The following CEP135 variants were observed in gnomAD, a reference collection of about 807,000 sequenced individuals.
CEP135 encodes the protein centrosomal protein of 135 kDa.
Under a neutral mutation model 157.3 loss-of-function variants are expected in CEP135, and 142 were observed. That is an observed-to-expected ratio of 0.90 (90% confidence interval 0.79 to 1.04). The LOEUF (loss-of-function observed/expected upper bound fraction) is 1.04, where lower values mean the gene tolerates loss of function less well. Ranked by LOEUF, CEP135 falls within the 50% of genes least tolerant of loss-of-function variation. CEP135 has a pLI of 0.00. For synonymous variants in CEP135, 396 were observed against 439.8 expected (o/e 0.90, Z 1.25); for missense variants, 1,317 against 1,309.2 (o/e 1.01, Z -0.09).
intron 14 of CEP135, among the ~76,000 whole-genome samples, chr4:55,988,220 T>C (rs933268294): frequency 3.3e-4 from 39 of 119,514 alleles, no homozygotes; most frequent in African/African-American, 1.3e-3. Context: ...CCAATAAGAG[T>C]GTGGGGGGCG....
chr4:56,015,938 A>G (rs1730758943), intron 21 of CEP135, among the ~76,000 whole-genome samples: 1 of 152,182 alleles, frequency 6.6e-6, no homozygotes, highest in Non-Finnish European at 1.5e-5. Flanking sequence ...ATACGTTGAA[A>G]TCCTAATCCC....
chr4:55,997,806 CTGT>C (rs1419293254), intron 15 of CEP135, among the ~76,000 whole-genome samples: 1 of 152,182 alleles, frequency 6.6e-6, no homozygotes, highest in East Asian at 1.9e-4. Context: ...GTACCACTCT[CTGT>C]TGTTATATCC....
chr4:55,966,108 T>G (rs781743223), intron 8 of CEP135: 1 of 382,656 alleles, frequency 2.6e-6, no homozygotes, highest in Non-Finnish European at 4.7e-6. Context: ...CAAACTCTAG[T>G]CTGTTTTCCT....
At chr4:55,967,792 C>T (rs907548426) in intron 8 of CEP135, among the ~76,000 whole-genome samples, 1 of 152,028 alleles carries the variant, frequency 6.6e-6, no homozygotes, top group African/African-American at 2.4e-5. Context: ...TTTTAAAAAC[C>T]ATGTGTGAAA....
intron 6 of CEP135, among the ~76,000 whole-genome samples, chr4:55,963,051 A>G (rs1274787955): frequency 6.6e-6 from 1 of 152,096 alleles, no homozygotes; most frequent in Non-Finnish European, 1.5e-5. Context: ...GGTTGGTAGC[A>G]TCAATGTTTG....
chr4:55,987,805 G>C (rs73817309), intron 14 of CEP135, among the ~76,000 whole-genome samples: 4,372 of 152,234 alleles, frequency 0.029, 213 homozygotes, highest in African/African-American at 0.098. Context: ...AAATGTTGGA[G>C]AATAGCCTGA....
At chr4:55,998,236 T>C (rs1730044283) in intron 15 of CEP135, among the ~76,000 whole-genome samples, 1 of 152,206 alleles carries the variant, frequency 6.6e-6, no homozygotes. Flanking sequence ...AAATTCCTAA[T>C]AAATACTCTG....
At position 55,991,978 on chromosome 4, in the gene CEP135, G is replaced by T. The variant is rs142984857; in HGVS notation, c.1902G>T (p.Met634Ile). 1.3e-6 allele frequency: 2 copies of T among 1,564,958 alleles called. No individual in the cohort carries two copies. The highest frequency in any genetic ancestry group is 1.7e-6 in the Non-Finnish European group (2 of 1,147,792). The change falls in exon 15 of 26, where the codon ATG becomes ATT. Residue 634 changes from methionine to isoleucine, a missense_variant. Transcript: ENST00000257287. ...KYELKSKVLI[M>I]KETIESLENK... ...AATTAAAGTCTAAAGTGTTAATAAT[G>T]AAAGAAACAATAGAGTCGTTAGAGA...
At position 55,952,074 on chromosome 4, in the gene CEP135, CT is replaced by C; in HGVS notation, c.-45-8del. Reference sequence around the variant, plus strand: ...TATAATAAGATAATGATGTTTCATTCTTTTCTCTCAGGACTTTAATTTTTGG... The same window carrying C: ...TATAATAAGATAATGATGTTTCATTCTTTCTCTCAGGACTTTAATTTTTGG... On this transcript the variant is annotated splice_polypyrimidine_tract_variant and intron_variant, in intron 1 of 25. Transcript: ENST00000257287. 1.2e-6 allele frequency: 1 copy of C among 837,630 alleles called. No individual in the cohort carries two copies. The highest frequency in any genetic ancestry group is 2.0e-6 in the Non-Finnish European group (1 of 508,506). The allele number at this position is 837,630 out of a possible 1,614,324, so 51.9% of individuals were successfully genotyped here.
In CEP135 at chr4:55,985,615, C is replaced by T. The variant is rs185990947; in HGVS notation, c.1857+257C>T. Among the ~76,000 whole-genome samples, 335 of 152,050 alleles carry T rather than the reference C, an allele frequency of 2.2e-3. 5 individuals are homozygous for T. The highest frequency in any genetic ancestry group is 1.3e-3 in the Non-Finnish European group (88 of 67,974). ...AACTACAGTTGCGTGCCACCATGCC[C>T]GGCTAATTTTTTTTGTATTTTTAGT... On this transcript the variant is annotated intron_variant, in intron 14 of 25. Coordinates refer to ENST00000257287, the MANE Select transcript of CEP135 (RefSeq NM_025009.5).
chr4:56,028,285 AG>A (rs1259923089), intron 25 of CEP135, among the ~76,000 whole-genome samples: 2 of 152,112 alleles, frequency 1.3e-5, no homozygotes, highest in Non-Finnish European at 2.9e-5. Flanking sequence ...AAACTTTTTG[AG>A]GGACTGCCAA....
chr4:55,963,629 C>T (rs934777897), intron 6 of CEP135, among the ~76,000 whole-genome samples: 11 of 152,102 alleles, frequency 7.2e-5, no homozygotes, highest in African/African-American at 2.7e-4. Context: ...ACCTGTAGTC[C>T]CAGCTACTCA....
At chr4:56,008,724 T>C (rs1336670644) in intron 18 of CEP135, among the ~76,000 whole-genome samples, 2 of 152,230 alleles carry the variant, frequency 1.3e-5, no homozygotes, top group Non-Finnish European at 2.9e-5. Context: ...TAAACCTATC[T>C]TGAGCACTGT....
chr4:55,952,890 G>A (rs1046422516), intron 2 of CEP135, among the ~76,000 whole-genome samples, 195 bp from the exon 3 acceptor site: 2 of 152,310 alleles, frequency 1.3e-5, no homozygotes, highest in East Asian at 3.9e-4. Context: ...CAGATCTCAT[G>A]AGGCAATAGG....
At chr4:55,962,259 C>T (rs1214526040) in intron 6 of CEP135, among the ~76,000 whole-genome samples, 1 of 152,112 alleles carries the variant, frequency 6.6e-6, no homozygotes, top group African/African-American at 2.4e-5. Context: ...ACCACCACAC[C>T]CGGCTAATTG....
chr4:55,979,492 G>A (rs1447977051), intron 11 of CEP135, among the ~76,000 whole-genome samples: 1 of 152,168 alleles, frequency 6.6e-6, no homozygotes, highest in East Asian at 1.9e-4. Flanking sequence ...AAGACCTCCT[G>A]TAGGTCTGAA....
chr4:55,978,298 A>G (rs1729289439), intron 11 of CEP135, among the ~76,000 whole-genome samples: 2 of 152,176 alleles, frequency 1.3e-5, no homozygotes, highest in Non-Finnish European at 2.9e-5. Flanking sequence ...ACAGATACAC[A>G]TTAAATGCAC....
rs111306031 is a variant in CEP135 at position 55,984,725 on chromosome 4, A to G, written c.1780-556A>G. Reference sequence around the variant, plus strand: ...TCCATGCTAGAAAAACTCTCAGTGAACACCAAGTTATATTGCTTATCCTAG... The same window carrying G: ...TCCATGCTAGAAAAACTCTCAGTGAGCACCAAGTTATATTGCTTATCCTAG... On this transcript the variant is annotated intron_variant, in intron 13 of 25. Transcript: ENST00000257287. Among the ~76,000 whole-genome samples, 3 of 152,352 alleles carry G rather than the reference A, an allele frequency of 2.0e-5. 1 individual carries two copies. Among genetic ancestry groups the G allele is most frequent in the African/African-American group, 4.8e-5 (2 of 41,578 alleles).
chr4:55,952,107 A>C lies in CEP135; in HGVS notation c.-24A>C. On this transcript the variant is annotated 5_prime_UTR_variant, in exon 2 of 26. Coordinates refer to ENST00000257287, the MANE Select transcript of CEP135 (RefSeq NM_025009.5). ...TCAGGACTTTAATTTTTGGAAGTGA[A>C]TAAAACTTGTTTTAGAAGACGAGAT... The C allele has an allele frequency of 1.5e-6, 2 of 1,313,454 alleles. No individual in the cohort carries two copies. Among genetic ancestry groups the C allele is most frequent in the Non-Finnish European group, 2.2e-6 (2 of 921,636 alleles). 81.4% of individuals were successfully genotyped at this position (1,313,454 alleles called of 1,614,324 possible). A position where few individuals can be genotyped will look rare whatever the true frequency, so the allele number is the denominator to read the frequency against.
Sources: allele counts gnomAD v4.1 joint callset (sites outside exome capture counted in the v4.1 genomes callset), GRCh38; gene constraint gnomAD v4.1.1; transcripts MANE v1.5; gene names NCBI Gene and HGNC (gene_info 2026-07-23, HGNC 2026-07-21).